MAP3K20: variants seen among roughly 807,000 people sequenced by gnomAD.
MAP3K20 encodes mitogen-activated protein kinase kinase kinase 20, also known as HCCS-4.
A neutral mutation model predicts 85.7 loss-of-function variants in MAP3K20; 40 were observed. The ratio of observed to expected loss-of-function variants is 0.47; its 90% CI spans 0.36 to 0.61. The LOEUF is 0.61. MAP3K20 is among the 20% of genes least tolerant of loss of function. The probability of loss-of-function intolerance (pLI) is 0.00; values close to 1 mark genes in which losing one functional copy is unlikely to be tolerated. For missense variants in MAP3K20, 817 were observed against 961.7 expected (o/e 0.85, Z 1.99); for synonymous variants, 325 against 327.7 (o/e 0.99, Z 0.09).
chr2:173,203,346 A>C (rs558906811), intron 8 of MAP3K20, among the ~76,000 whole-genome samples: 1 of 152,288 alleles, frequency 6.6e-6, no homozygotes, highest in African/African-American at 2.4e-5. Flanking sequence ...GAGTTTTTAA[A>C]ATTATCTCTG....
At chr2:173,200,050 A>C (rs1266613013) in intron 8 of MAP3K20, among the ~76,000 whole-genome samples, 1 of 152,188 alleles carries the variant, frequency 6.6e-6, no homozygotes. Context: ...TACTTCCCAC[A>C]CTGTATTCAT....
At chr2:173,257,686 G>A (rs1049480977) in intron 16 of MAP3K20, among the ~76,000 whole-genome samples, 8 of 151,956 alleles carry the variant, frequency 5.3e-5, no homozygotes, top group African/African-American at 1.7e-4. Flanking sequence ...GAATTTCTGG[G>A]TCATAGAATA....
chr2:173,158,835 G>GT, intron 2 of MAP3K20, among the ~76,000 whole-genome samples: 1 of 152,230 alleles, frequency 6.6e-6, no homozygotes, highest in Non-Finnish European at 1.5e-5. Flanking sequence ...CACCTCACTG[G>GT]TAAGTGGCAG....
intron 11 of MAP3K20, chr2:173,226,467 G>A (rs1574136335): frequency 1.0e-6 from 1 of 985,576 alleles, no homozygotes; most frequent in Non-Finnish European, 1.2e-6. Context: ...CTGTTTTCCT[G>A]TTTAAGTGTT....
Position 173,237,221 on chromosome 2 carries a change from G to A in MAP3K20, c.1204-1152G>A, listed in dbSNP as rs1445265032. Among the ~76,000 whole-genome samples the A allele has an allele frequency of 7.2e-5, 11 of 151,892 alleles. No homozygotes were observed. In the South Asian group the frequency reaches 1.5e-3, roughly 20 times the overall value. On this transcript the variant is annotated intron_variant, in intron 14 of 19. Coordinates refer to ENST00000375213, the MANE Select transcript of MAP3K20 (RefSeq NM_016653.3). ...TTTTTGTATTTTTAGTAGAGACAGG[G>A]CTTCACCATGTTGGTCAGGCTGGTC... is the stretch of plus-strand genomic sequence containing the variant.
At chr2:173,186,054 T>C (rs895481849) in intron 4 of MAP3K20, among the ~76,000 whole-genome samples, 1 of 152,216 alleles carries the variant, frequency 6.6e-6, no homozygotes, top group Non-Finnish European at 1.5e-5. Flanking sequence ...ATTGTTTATA[T>C]GAAATATTAT....
rs1240565014 is a variant in MAP3K20 at position 173,266,121 on chromosome 2, C to T, written c.1774C>T (p.Gln592Ter). The change falls in exon 20 of 20, where the codon CAG becomes TAG. Residue 592 changes from glutamine (Q) to a stop codon, truncating the protein, a stop_gained. Coordinates refer to ENST00000375213, the MANE Select transcript of MAP3K20 (RefSeq NM_016653.3). LOFTEE classifies it low-confidence loss of function (END_TRUNC). ...ATCCAACACTTCTTTACAGCGTTCC[C>T]AGAGCAATCCTATTCTGGGGTCACC... Reference protein sequence around the residue: ...IASNTSLQRSQSNPILGSPFF... With the variant: ...IASNTSLQRS 1 of 1,612,310 alleles carries T rather than the reference C, an allele frequency of 6.2e-7. No individual in the cohort carries two copies. Among genetic ancestry groups the T allele is most frequent in the Non-Finnish European group, 8.5e-7 (1 of 1,179,236 alleles).
intron 1 of MAP3K20, among the ~76,000 whole-genome samples, chr2:173,086,146 A>G (rs979867188): frequency 6.6e-5 from 10 of 152,200 alleles, no homozygotes; most frequent in Non-Finnish European, 1.5e-4. Context: ...TTGATTTGAT[A>G]TACCATGTAA....
chr2:173,161,115 CG>C (rs925322348), intron 2 of MAP3K20, among the ~76,000 whole-genome samples: 134 of 152,288 alleles, frequency 8.8e-4, no homozygotes, highest in African/African-American at 3.2e-3. Context: ...GCAAAGAAAA[CG>C]TACAATGCAA....
intron 2 of MAP3K20, among the ~76,000 whole-genome samples, chr2:173,109,317 C>A (rs1687874960): frequency 6.6e-6 from 1 of 152,122 alleles, no homozygotes; most frequent in Non-Finnish European, 1.5e-5. Flanking sequence ...AGCAATAATG[C>A]TTTAGGGTTT....
intron 16 of MAP3K20, among the ~76,000 whole-genome samples, chr2:173,258,497 T>C (rs1173763892): frequency 6.6e-6 from 1 of 152,030 alleles, no homozygotes; most frequent in Non-Finnish European, 1.5e-5. Flanking sequence ...CACTGATACA[T>C]TATGTCTCAA....
At position 173,099,684 on chromosome 2, in the gene MAP3K20, A is replaced by G. The variant is rs539959207; in HGVS notation, c.159+8494A>G. ...CCTTCTCTGTGAAGCATTCTCAGTC[A>G]TACAAGCGTATTTTCTCTTTCTCTT... On this transcript the variant is annotated intron_variant, in intron 2 of 19. Transcript: ENST00000375213. Among the ~76,000 whole-genome samples, 69 of 152,164 alleles carry G rather than the reference A, an allele frequency of 4.5e-4. 1 individual carries two copies. Among genetic ancestry groups the G allele is most frequent in the Non-Finnish European group, 8.2e-4 (56 of 68,034 alleles).
intron 2 of MAP3K20, among the ~76,000 whole-genome samples, chr2:173,167,141 T>C (rs1350740229): frequency 6.6e-6 from 1 of 151,914 alleles, no homozygotes; most frequent in East Asian, 1.9e-4. Context: ...GGTCTCGACC[T>C]CCTGACCTCG....
At chr2:173,079,000 G>A (rs1686940887) in intron 1 of MAP3K20, among the ~76,000 whole-genome samples, 1 of 152,144 alleles carries the variant, frequency 6.6e-6, no homozygotes, top group Non-Finnish European at 1.5e-5. Flanking sequence ...TGCTTCCTAA[G>A]GATAAGTACA....
intron 2 of MAP3K20, among the ~76,000 whole-genome samples, chr2:173,128,480 G>A (rs182965867): frequency 1.3e-5 from 2 of 151,516 alleles, no homozygotes; most frequent in Non-Finnish European, 2.9e-5. Context: ...CTACAGGCGC[G>A]CACCACCAGC....
intron 1 of MAP3K20, among the ~76,000 whole-genome samples, chr2:173,080,987 G>A (rs542210674): frequency 9.9e-5 from 15 of 152,194 alleles, no homozygotes; most frequent in Non-Finnish European, 2.2e-4. Flanking sequence ...TTCTACCAAA[G>A]TACTCTATTG....
chr2:173,209,437 AT>A (rs1442479918), intron 9 of MAP3K20, among the ~76,000 whole-genome samples: 4 of 152,220 alleles, frequency 2.6e-5, no homozygotes, highest in Non-Finnish European at 1.5e-5. Flanking sequence ...AAAAGAGAGA[AT>A]TAGTTTTCTC....
At position 173,154,559 on chromosome 2, in the gene MAP3K20, G is replaced by A. The variant is rs533057991; in HGVS notation, c.160-15246G>A. On this transcript the variant is annotated intron_variant, in intron 2 of 19. Coordinates refer to ENST00000375213, the MANE Select transcript of MAP3K20 (RefSeq NM_016653.3). Reference sequence around the variant, plus strand: ...CCTAATTTTAATACAGATCCTTCACGTGTTTTGTACTTCTGATGGTTGTTA... The same window carrying A: ...CCTAATTTTAATACAGATCCTTCACATGTTTTGTACTTCTGATGGTTGTTA... 2.6e-5 allele frequency among the ~76,000 whole-genome samples: 4 copies of A among 152,196 alleles called. No homozygotes were observed. In the East Asian group the frequency reaches 5.8e-4, roughly 22 times the overall value.
At chr2:173,221,147 T>A (rs999760689) in intron 11 of MAP3K20, 6 of 1,487,966 alleles carry the variant, frequency 4.0e-6, no homozygotes, top group Non-Finnish European at 5.4e-6. Context: ...TCCCTTTTGA[T>A]AGCTTCTCTT....
Sources: gnomAD v4.1 joint callset for allele counts (sites outside exome capture counted in the v4.1 genomes callset) on GRCh38, gnomAD v4.1.1 for gene constraint, MANE v1.5 for transcripts, NCBI Gene and HGNC (gene_info 2026-07-23, HGNC 2026-07-21) for gene names.